STARD13: variants seen among roughly 807,000 people sequenced by gnomAD.
STARD13 encodes the protein StAR related lipid transfer domain containing 13, also known as stAR-related lipid transfer protein 13.
A neutral mutation model predicts 106.4 loss-of-function variants in STARD13; 62 were observed. The ratio of observed to expected loss-of-function variants is 0.58; its 90% CI spans 0.48 to 0.72. The LOEUF (loss-of-function observed/expected upper bound fraction) is 0.72, where lower values mean the gene tolerates loss of function less well. Ranked by LOEUF, STARD13 falls within the 30% of genes least tolerant of loss-of-function variation. The pLI is 0.00. For missense variants in STARD13, 1,387 were observed against 1,424.0 expected (o/e 0.97, Z 0.42); for synonymous variants, 565 against 553.0 (o/e 1.02, Z -0.31).
At chr13:33,265,490 T>G (rs1890853142) in intron 1 of STARD13, among the ~76,000 whole-genome samples, 2 of 152,226 alleles carry the variant, frequency 1.3e-5, no homozygotes, top group South Asian at 4.1e-4. Flanking sequence ...AGACAACTTG[T>G]ACCAATTTAA....
the STARD13 span, among the ~76,000 whole-genome samples, chr13:33,648,939 T>C: frequency 6.6e-6 from 1 of 151,822 alleles, no homozygotes; most frequent in East Asian, 1.9e-4. Flanking sequence ...ATTACAGGCA[T>C]GCATCACCAT....
intron 6 of STARD13, among the ~76,000 whole-genome samples, chr13:33,126,742 A>G (rs1192854730): frequency 6.6e-6 from 1 of 152,180 alleles, no homozygotes; most frequent in Non-Finnish European, 1.5e-5. Flanking sequence ...TGAATTTATA[A>G]CCTTCTAAAA....
chr13:33,573,727 T>A, the STARD13 span, among the ~76,000 whole-genome samples: 1 of 152,168 alleles, frequency 6.6e-6, no homozygotes, highest in Admixed American at 6.6e-5. Context: ...ATGTTAAATT[T>A]TATAAAGAAA....
the STARD13 span, among the ~76,000 whole-genome samples, chr13:33,622,591 G>T: frequency 1.5e-5 from 2 of 129,264 alleles, no homozygotes; most frequent in Non-Finnish European, 3.2e-5. Flanking sequence ...CTCCAGTCTC[G>T]GCGACAGAGC....
At chr13:33,590,492 A>AT in the STARD13 span, among the ~76,000 whole-genome samples, 1 of 151,950 alleles carries the variant, frequency 6.6e-6, no homozygotes, top group African/African-American at 2.4e-5. Flanking sequence ...AATGTGGCAC[A>AT]TATACACCAT....
intron 1 of STARD13, among the ~76,000 whole-genome samples, chr13:33,312,738 A>G (rs139157568): frequency 1.9e-3 from 283 of 152,330 alleles, no homozygotes; most frequent in African/African-American, 6.7e-3. Flanking sequence ...GCAAATCAAA[A>G]CAAACAGAAA....
chr13:33,169,007 A>T (rs963100924), intron 1 of STARD13, among the ~76,000 whole-genome samples: 9 of 151,962 alleles, frequency 5.9e-5, no homozygotes, highest in African/African-American at 2.2e-4. Flanking sequence ...CCCCTAATCT[A>T]CTGTTACTCC....
intron 1 of STARD13, among the ~76,000 whole-genome samples, chr13:33,214,946 A>G (rs1409381257): frequency 6.6e-6 from 1 of 152,140 alleles, no homozygotes; most frequent in Non-Finnish European, 1.5e-5. Flanking sequence ...CTTGGTTTCC[A>G]GGGAAACAGA....
chr13:33,195,472 C>CA (rs1255946425), intron 1 of STARD13, among the ~76,000 whole-genome samples: 2 of 152,212 alleles, frequency 1.3e-5, no homozygotes, highest in Non-Finnish European at 2.9e-5. Context: ...TGTATTCTCA[C>CA]TATCAGTAAG....
At chr13:33,555,624 T>A in the STARD13 span, among the ~76,000 whole-genome samples, 7 of 152,176 alleles carry the variant, frequency 4.6e-5, no homozygotes, top group African/African-American at 1.7e-4. Context: ...TTTGAGAGAA[T>A]GGATGGTGAT....
intron 1 of STARD13, among the ~76,000 whole-genome samples, chr13:33,325,983 T>TCAAAA (rs60874548): frequency 1.0e-4 from 10 of 96,190 alleles, no homozygotes; most frequent in African/African-American, 3.9e-4. Flanking sequence ...AGACTCCGTT[T>TCAAAA]AAAAAAAAAA....
intron 1 of STARD13, among the ~76,000 whole-genome samples, chr13:33,323,361 C>G (rs1412391710): frequency 1.3e-5 from 2 of 152,218 alleles, no homozygotes; most frequent in African/African-American, 4.8e-5. Flanking sequence ...CTCAAGGAAG[C>G]ATTCTCTAAC....
the STARD13 span, among the ~76,000 whole-genome samples, chr13:33,486,973 T>C: frequency 6.6e-6 from 1 of 152,244 alleles, no homozygotes; most frequent in Non-Finnish European, 1.5e-5. Flanking sequence ...CAAATCATTT[T>C]TCTAAACTCA....
the STARD13 span, among the ~76,000 whole-genome samples, chr13:33,590,939 T>C: frequency 1.3e-5 from 2 of 152,228 alleles, no homozygotes; most frequent in African/African-American, 4.8e-5. Flanking sequence ...TTTTCCAATC[T>C]GCAATTTTTA....
chr13:33,330,065 A>G (rs950785058), intron 1 of STARD13, among the ~76,000 whole-genome samples: 1 of 152,164 alleles, frequency 6.6e-6, no homozygotes, highest in African/African-American at 2.4e-5. Flanking sequence ...TATGTTGACT[A>G]TCGTGTAAAA....
the STARD13 span, among the ~76,000 whole-genome samples, chr13:33,375,758 T>C: frequency 2.0e-5 from 3 of 152,070 alleles, no homozygotes; most frequent in Non-Finnish European, 4.4e-5. Context: ...CATGTGGAGA[T>C]TGTGGGAACT....
the STARD13 span, among the ~76,000 whole-genome samples, chr13:33,402,067 A>C: frequency 6.6e-6 from 1 of 152,234 alleles, no homozygotes; most frequent in African/African-American, 2.4e-5. Flanking sequence ...CAAGGCCTAT[A>C]ATAAGCCTGA....
At chr13:33,572,143 G>C in the STARD13 span, among the ~76,000 whole-genome samples, 1 of 152,126 alleles carries the variant, frequency 6.6e-6, no homozygotes, top group South Asian at 2.1e-4. Flanking sequence ...ACTGTCCCTA[G>C]TCTCCCTTTC....
At chr13:33,574,125 G>A in the STARD13 span, among the ~76,000 whole-genome samples, 3 of 152,152 alleles carry the variant, frequency 2.0e-5, no homozygotes, top group Non-Finnish European at 2.9e-5. Context: ...ATACAGGGGC[G>A]CTGAGTGTGA....
Sources: allele counts gnomAD v4.1 joint callset (sites outside exome capture counted in the v4.1 genomes callset), GRCh38; gene constraint gnomAD v4.1.1; transcripts MANE v1.5; gene names NCBI Gene and HGNC (gene_info 2026-07-23, HGNC 2026-07-21).